NEDD4L: variants seen among roughly 807,000 people sequenced by gnomAD.
NEDD4L encodes E3 ubiquitin-protein ligase NEDD4-like.
A neutral mutation model predicts 148.9 loss-of-function variants in NEDD4L; 54 were observed. The observed-to-expected ratio is 0.36, with a 90% CI of 0.29 to 0.45. NEDD4L has a LOEUF of 0.45. Ranked by LOEUF, NEDD4L falls within the 20% of genes least tolerant of loss-of-function variation. NEDD4L has a pLI of 1.00. For missense variants in NEDD4L, 856 were observed against 1,233.8 expected, an observed-to-expected ratio of 0.69 and a Z score of 4.59; for synonymous variants, 433 against 440.7, an observed-to-expected ratio of 0.98 and a Z score of 0.22.
At chr18:58,160,449 A>G (rs2036060765) in intron 1 of NEDD4L, among the ~76,000 whole-genome samples, 2 of 152,256 alleles carry the variant, frequency 1.3e-5, no homozygotes, top group Non-Finnish European at 2.9e-5. Context: ...CAATAGATTA[A>G]TAACAGGAAG....
chr18:58,313,249 AT>A (rs1338184405), intron 5 of NEDD4L, among the ~76,000 whole-genome samples: 2 of 150,550 alleles, frequency 1.3e-5, no homozygotes, highest in African/African-American at 5.0e-5. Context: ...AAATTGTCTC[AT>A]CTTTTACTGT....
intron 1 of NEDD4L, among the ~76,000 whole-genome samples, chr18:58,145,003 A>C (rs899961441): frequency 6.6e-6 from 1 of 152,164 alleles, no homozygotes; most frequent in South Asian, 2.1e-4. Flanking sequence ...GAGCCCAGAG[A>C]CAAGCTCTGC....
intron 25 of NEDD4L, 44 bp from the exon 26 acceptor site, chr18:58,385,482 G>A (rs1382292141): frequency 2.9e-5 from 43 of 1,501,240 alleles, no homozygotes; most frequent in Non-Finnish European, 3.7e-5. Flanking sequence ...GTGAGCACTA[G>A]TGATGATGGA....
At chr18:58,311,488 G>A (rs141428383) in intron 5 of NEDD4L, among the ~76,000 whole-genome samples, 289 of 152,286 alleles carry the variant, frequency 1.9e-3, no homozygotes, top group African/African-American at 6.6e-3. Context: ...GGACCCCAGC[G>A]TGACCTGTGG....
At chr18:58,349,707 C>A in intron 17 of NEDD4L, 93 bp downstream of exon 17, 2 of 968,618 alleles carry the variant, frequency 2.1e-6, no homozygotes, top group Non-Finnish European at 3.3e-6. Flanking sequence ...CCTTCTCTAT[C>A]TCCAGGCTTT....
chr18:58,320,919 C>G (rs2058717102), intron 6 of NEDD4L, among the ~76,000 whole-genome samples: 1 of 152,044 alleles, frequency 6.6e-6, no homozygotes, highest in South Asian at 2.1e-4. Context: ...ATTTACAAAC[C>G]TTTTGGTAGA....
chr18:58,046,790 A>G (rs1339600814), intron 1 of NEDD4L: 1 of 152,124 alleles, frequency 6.6e-6, no homozygotes, highest in African/African-American at 2.4e-5. Context: ...GGTGATGAAG[A>G]CACCTTTTAT....
rs78615118 is a variant in NEDD4L at position 58,159,945 on chromosome 18, G to T, written c.49-5843G>T. ...TGGACAGCTGGTGTACGTGATCCTGGGGTCACAGTGGCTCCCTGTGCAGGA... is the reference window on the plus strand; with the variant it reads ...TGGACAGCTGGTGTACGTGATCCTGTGGTCACAGTGGCTCCCTGTGCAGGA... On this transcript the variant is annotated intron_variant, in intron 1 of 30. Coordinates refer to ENST00000400345, the MANE Select transcript of NEDD4L (RefSeq NM_001144967.3). 7.5e-4 allele frequency among the ~76,000 whole-genome samples: 114 copies of T among 152,270 alleles called. 1 individual carries two copies. Among genetic ancestry groups the T allele is most frequent in the African/African-American group, 2.5e-3 (104 of 41,558 alleles).
At chr18:58,105,027 T>C (rs1330124951) in intron 1 of NEDD4L, among the ~76,000 whole-genome samples, 1 of 152,196 alleles carries the variant, frequency 6.6e-6, no homozygotes, top group Non-Finnish European at 1.5e-5. Flanking sequence ...GAACCTCAGC[T>C]GCTTCTAGGG....
At chr18:58,224,467 C>T (rs970022938) in intron 2 of NEDD4L, among the ~76,000 whole-genome samples, 4 of 152,182 alleles carry the variant, frequency 2.6e-5, no homozygotes, top group Admixed American at 2.0e-4. Flanking sequence ...GAGGAAATGG[C>T]GTGGCAGGCT....
chr18:58,078,068 G>C (rs560159409), intron 1 of NEDD4L, among the ~76,000 whole-genome samples: 1 of 148,492 alleles, frequency 6.7e-6, no homozygotes, highest in Non-Finnish European at 1.5e-5. Flanking sequence ...GATGACTCCA[G>C]ACAAACCAAA....
intron 1 of NEDD4L, among the ~76,000 whole-genome samples, chr18:58,104,853 C>T (rs2084972613): frequency 6.6e-6 from 1 of 151,718 alleles, no homozygotes; most frequent in African/African-American, 2.4e-5. Flanking sequence ...CACCCCCGCC[C>T]CCCAACCAAC....
intron 1 of NEDD4L, among the ~76,000 whole-genome samples, chr18:58,060,210 G>T (rs2082268631): frequency 6.6e-6 from 1 of 152,160 alleles, no homozygotes; most frequent in Non-Finnish European, 1.5e-5. Context: ...GGAAGAAGTG[G>T]CTGGATGTGA....
At chr18:58,255,910 C>G (rs1034426117) in intron 5 of NEDD4L, 9 of 1,231,854 alleles carry the variant, frequency 7.3e-6, no homozygotes, top group South Asian at 4.1e-5. Flanking sequence ...GCAGCTCCTC[C>G]GTGCAGATCT....
At chr18:58,357,278 T>A in intron 19 of NEDD4L, 26 bp downstream of exon 19, 2 of 1,598,454 alleles carry the variant, frequency 1.3e-6, no homozygotes, top group Non-Finnish European at 1.7e-6. Flanking sequence ...TTCTGCCTCT[T>A]CAGTATAAGA....
intron 2 of NEDD4L, among the ~76,000 whole-genome samples, chr18:58,226,340 G>C (rs1324306125): frequency 6.6e-6 from 1 of 152,206 alleles, no homozygotes; most frequent in Non-Finnish European, 1.5e-5. Context: ...TTATCTCCCA[G>C]CTTTGTCATT....
chr18:58,327,171 C>T (rs1459616598), intron 9 of NEDD4L, among the ~76,000 whole-genome samples: 1 of 152,188 alleles, frequency 6.6e-6, no homozygotes, highest in Non-Finnish European at 1.5e-5. Context: ...CATCTCGGCT[C>T]ACTGCAACCT....
At chr18:58,337,853 G>A (rs1037325071) in intron 13 of NEDD4L, among the ~76,000 whole-genome samples, 3 of 152,146 alleles carry the variant, frequency 2.0e-5, no homozygotes, top group African/African-American at 7.2e-5. Context: ...TCTCAGCCAA[G>A]AAACCACAGC....
chr18:58,285,831 G>A (rs1174952999), intron 5 of NEDD4L, among the ~76,000 whole-genome samples: 3 of 152,226 alleles, frequency 2.0e-5, no homozygotes, highest in Non-Finnish European at 4.4e-5. Context: ...TTTATAGCCA[G>A]TTGTTTTCCT....
Sources: gnomAD v4.1 joint callset for allele counts (sites outside exome capture counted in the v4.1 genomes callset) on GRCh38, gnomAD v4.1.1 for gene constraint, MANE v1.5 for transcripts, NCBI Gene and HGNC (gene_info 2026-07-23, HGNC 2026-07-21) for gene names.